SUGCT: variants seen among roughly 807,000 people sequenced by gnomAD.
SUGCT encodes succinyl-CoA:glutarate CoA-transferase.
In SUGCT, 41 loss-of-function variants were observed where a neutral mutation model predicts 55.0. That is an observed-to-expected ratio of 0.74 (90% confidence interval 0.58 to 0.97). The LOEUF is 0.97. Ranked by LOEUF, SUGCT falls within the 50% of genes least tolerant of loss-of-function variation. The probability of loss-of-function intolerance (pLI) is 0.00; values close to 1 mark genes in which losing one functional copy is unlikely to be tolerated. For synonymous variants in SUGCT, 187 were observed against 200.4 expected (o/e 0.93, Z 0.56); for missense variants, 568 against 547.8 (o/e 1.04, Z -0.37).
chr7:40,303,803 G>A (rs373592324), intron 8 of SUGCT, among the ~76,000 whole-genome samples: 2 of 152,110 alleles, frequency 1.3e-5, no homozygotes, highest in African/African-American at 4.8e-5. Context: ...TTTTGGAGGG[G>A]ATAATACATT....
intron 12 of SUGCT, among the ~76,000 whole-genome samples, chr7:40,631,246 T>G (rs971748860): frequency 2.6e-5 from 4 of 152,168 alleles, no homozygotes; most frequent in African/African-American, 9.7e-5. Flanking sequence ...ATTATTTACG[T>G]GTAACAAGAA....
the SUGCT span, among the ~76,000 whole-genome samples, chr7:40,983,224 A>G: frequency 6.6e-6 from 1 of 152,138 alleles, no homozygotes; most frequent in East Asian, 1.9e-4. Context: ...GCAGTTTTCT[A>G]CGATGGTTGG....
In SUGCT at chr7:40,750,269, G is replaced by A. The variant is rs138154014; in HGVS notation, c.1153+772G>A. Among the ~76,000 whole-genome samples, 459 of 152,184 alleles carry A rather than the reference G, an allele frequency of 3.0e-3. 1 individual carries two copies. The highest frequency in any genetic ancestry group is 0.01 in the African/African-American group (432 of 41,524). ...ATGTTTTTTCTCTATTCCAGGCATC[G>A]CTGGAAAATCCACATTCCAGCAATG... On this transcript the variant is annotated intron_variant, in intron 13 of 13. Transcript: ENST00000335693.
At chr7:40,334,174 C>T (rs1359853672) in intron 9 of SUGCT, among the ~76,000 whole-genome samples, 1 of 152,062 alleles carries the variant, frequency 6.6e-6, no homozygotes, top group Non-Finnish European at 1.5e-5. Context: ...GGGTTGGTTC[C>T]AAGTCTTTGC....
chr7:40,158,610 C>T (rs1784007256), intron 1 of SUGCT, among the ~76,000 whole-genome samples: 1 of 152,146 alleles, frequency 6.6e-6, no homozygotes. Flanking sequence ...ATTAGCCGGG[C>T]GTGGTGGCAT....
chr7:40,628,701 C>T (rs1799640146), intron 12 of SUGCT, among the ~76,000 whole-genome samples: 1 of 151,534 alleles, frequency 6.6e-6, no homozygotes, highest in South Asian at 2.1e-4. Context: ...AGAATTTACT[C>T]AGTTTTTGGG....
chr7:40,755,475 A>C (rs1788208454), intron 13 of SUGCT, among the ~76,000 whole-genome samples: 1 of 152,238 alleles, frequency 6.6e-6, no homozygotes, highest in African/African-American at 2.4e-5. Flanking sequence ...TTTAGTGGGA[A>C]GATCTTGCAT....
chr7:40,664,979 C>CAA (rs11344902), intron 12 of SUGCT, among the ~76,000 whole-genome samples: 12 of 109,392 alleles, frequency 1.1e-4, no homozygotes, highest in Non-Finnish European at 1.4e-4. Flanking sequence ...GACTCTGTCT[C>CAA]AAAAAAAAAA....
chr7:40,234,516 A>G (rs577294149), intron 6 of SUGCT, among the ~76,000 whole-genome samples: 1 of 152,324 alleles, frequency 6.6e-6, no homozygotes, highest in African/African-American at 2.4e-5. Context: ...TTGTTCTTCT[A>G]AAGACTGAGA....
intron 12 of SUGCT, among the ~76,000 whole-genome samples, chr7:40,626,487 C>T (rs1311727523): frequency 4.6e-5 from 7 of 151,660 alleles, no homozygotes; most frequent in South Asian, 2.1e-4. Context: ...CTCTTGACCT[C>T]GTGATCCACC....
At chr7:40,639,196 G>C (rs751245786) in intron 12 of SUGCT, among the ~76,000 whole-genome samples, 3 of 152,114 alleles carry the variant, frequency 2.0e-5, no homozygotes, top group Non-Finnish European at 2.9e-5. Context: ...TTACTTATTA[G>C]TACTCCTTGT....
chr7:40,603,610 T>C (rs1798395778), intron 12 of SUGCT, among the ~76,000 whole-genome samples: 2 of 152,172 alleles, frequency 1.3e-5, no homozygotes, highest in African/African-American at 4.8e-5. Flanking sequence ...TTCTCAGCCT[T>C]ATGGTCTGCA....
chr7:40,653,456 T>C (rs908287168), intron 12 of SUGCT, among the ~76,000 whole-genome samples: 1 of 152,234 alleles, frequency 6.6e-6, no homozygotes, highest in African/African-American at 2.4e-5. Flanking sequence ...TATGAATTTA[T>C]TGTCCATTAC....
rs368701823 is a variant in SUGCT, at chr7:40,432,893, T to TTCTCTC, written c.817-16383_817-16378dup. ...TTTCTTCAAATAAGTACTTTATCCTTTCTCTCTCTCTCTCTCCTTCTTCTT... is the reference window on the plus strand; with the variant it reads ...TTTCTTCAAATAAGTACTTTATCCTTTCTCTCTCTCTCTCTCTCTCTCCTTCTTCTT... On this transcript the variant is annotated intron_variant, in intron 9 of 13. Coordinates refer to ENST00000335693, the MANE Select transcript of SUGCT (RefSeq NM_001193313.2). 2.0e-3 allele frequency among the ~76,000 whole-genome samples: 302 copies of TTCTCTC among 151,054 alleles called. 12 individuals carry two copies. In the South Asian group the frequency reaches 0.059, roughly 29 times the overall value.
chr7:40,796,060 T>C (rs1407502383), intron 13 of SUGCT, among the ~76,000 whole-genome samples: 2 of 152,172 alleles, frequency 1.3e-5, no homozygotes, highest in East Asian at 1.9e-4. Flanking sequence ...TAATAACCCA[T>C]TTGGATCCTA....
chr7:40,372,852 G>A (rs1294619917), intron 9 of SUGCT, among the ~76,000 whole-genome samples: 8 of 151,870 alleles, frequency 5.3e-5, no homozygotes, highest in East Asian at 1.9e-4. Flanking sequence ...CTCAAATAAC[G>A]GAAAAGATTC....
the SUGCT span, among the ~76,000 whole-genome samples, chr7:40,896,469 G>A: frequency 4.6e-5 from 7 of 152,156 alleles, no homozygotes; most frequent in African/African-American, 1.7e-4. Context: ...CCCACGTGTT[G>A]TGGGAGGGAA....
chr7:40,444,942 G>A (rs1355551201), intron 9 of SUGCT, among the ~76,000 whole-genome samples: 1 of 152,160 alleles, frequency 6.6e-6, no homozygotes, highest in Non-Finnish European at 1.5e-5. Flanking sequence ...AAGCGCTGTT[G>A]AATTTTGTCG....
intron 12 of SUGCT, among the ~76,000 whole-genome samples, chr7:40,656,970 A>C (rs1374377269): frequency 6.6e-6 from 1 of 152,216 alleles, no homozygotes; most frequent in Non-Finnish European, 1.5e-5. Context: ...AGTATGCTGC[A>C]TGCACCTGCA....
Sources: gnomAD v4.1 joint callset for allele counts (sites outside exome capture counted in the v4.1 genomes callset) on GRCh38, gnomAD v4.1.1 for gene constraint, MANE v1.5 for transcripts, NCBI Gene and HGNC (gene_info 2026-07-23, HGNC 2026-07-21) for gene names.